FHIT: variants seen among roughly 807,000 people sequenced by gnomAD.
The protein encoded by FHIT is bis(5'-adenosyl)-triphosphatase.
In FHIT, 19 loss-of-function variants were observed where a neutral mutation model predicts 17.9. The observed-to-expected ratio is 1.06, with a 90% CI of 0.74 to 1.56. The LOEUF (loss-of-function observed/expected upper bound fraction) is 1.56, where lower values mean the gene tolerates loss of function less well. FHIT is among the 40% of genes most tolerant of loss of function. The pLI is 0.00. For missense variants in FHIT, 248 were observed against 189.2 expected (o/e 1.31, Z -1.82); for synonymous variants, 81 against 69.7 (o/e 1.16, Z -0.81).
chr3:60,885,275 C>T (rs1425259693), intron 3 of FHIT, among the ~76,000 whole-genome samples: 1 of 151,912 alleles, frequency 6.6e-6, no homozygotes, highest in African/African-American at 2.4e-5. Flanking sequence ...GATCATTGCA[C>T]GTTGTATGCA....
intron 5 of FHIT, among the ~76,000 whole-genome samples, chr3:60,017,984 A>G (rs212024): frequency 1 from 151,671 of 152,310 alleles, 75,520 homozygotes; most frequent in Middle Eastern, 1. Flanking sequence ...TTGAGTGTCT[A>G]TCTTACTTTG....
At chr3:59,820,492 G>A (rs1700749940) in intron 8 of FHIT, among the ~76,000 whole-genome samples, 2 of 152,204 alleles carry the variant, frequency 1.3e-5, no homozygotes, top group Non-Finnish European at 1.5e-5. Flanking sequence ...AATGTCTCAC[G>A]ATTTAGAACA....
Position 59,887,693 on chromosome 3 carries a change from T to C in FHIT, c.348+34653A>G, listed in dbSNP as rs569257311. ...GCCAGCATCAGCTGAGAGAAGCAGT[T>C]GCATCCAGCAGCACATCCTACACTT... On this transcript the variant is annotated intron_variant, in intron 8 of 9. Transcript: ENST00000492590. Among the ~76,000 whole-genome samples, 4 of 152,318 alleles carry C rather than the reference T, an allele frequency of 2.6e-5. No homozygotes were observed. The South Asian group carries it at 8.3e-4, about 32-fold the overall frequency.
intron 4 of FHIT, among the ~76,000 whole-genome samples, chr3:60,557,428 A>C (rs369951216): frequency 6.6e-6 from 1 of 152,138 alleles, no homozygotes; most frequent in African/African-American, 2.4e-5. Context: ...ACATGATGTC[A>C]AGAAAGGAAT....
chr3:60,033,951 A>C (rs1701105836), intron 5 of FHIT, among the ~76,000 whole-genome samples: 1 of 152,250 alleles, frequency 6.6e-6, no homozygotes, highest in Admixed American at 6.5e-5. Flanking sequence ...GCTTCATCTA[A>C]GAACAGGCTC....
At chr3:60,413,109 A>G (rs1702122222) in intron 5 of FHIT, among the ~76,000 whole-genome samples, 1 of 152,176 alleles carries the variant, frequency 6.6e-6, no homozygotes, top group African/African-American at 2.4e-5. Context: ...ACTCTCAGAC[A>G]TGTTGTTGAT....
At chr3:60,932,160 C>T (rs886518518) in intron 3 of FHIT, among the ~76,000 whole-genome samples, 3 of 152,152 alleles carry the variant, frequency 2.0e-5, no homozygotes, top group East Asian at 3.8e-4. Context: ...AATAAAAAAC[C>T]ATTGTGCTAA....
intron 5 of FHIT, among the ~76,000 whole-genome samples, chr3:60,487,158 G>A (rs1286228132): frequency 6.6e-6 from 1 of 152,182 alleles, no homozygotes; most frequent in Non-Finnish European, 1.5e-5. Context: ...AACCTGGCTA[G>A]TAAGGGACTG....
intron 3 of FHIT, among the ~76,000 whole-genome samples, chr3:60,925,040 C>T (rs1293322484): frequency 2.0e-5 from 3 of 152,166 alleles, no homozygotes; most frequent in Non-Finnish European, 2.9e-5. Context: ...ACAAAGCCTA[C>T]AAGAAATATG....
chr3:60,648,987 G>C (rs552641100), intron 4 of FHIT, among the ~76,000 whole-genome samples: 1 of 152,172 alleles, frequency 6.6e-6, no homozygotes, highest in African/African-American at 2.4e-5. Flanking sequence ...GTTTATGTAA[G>C]TATATATACC....
intron 5 of FHIT, among the ~76,000 whole-genome samples, chr3:60,522,597 T>C (rs1306322793): frequency 6.6e-6 from 1 of 152,152 alleles, no homozygotes; most frequent in African/African-American, 2.4e-5. Flanking sequence ...GCAGGAGTAG[T>C]AGAGATGTTG....
intron 4 of FHIT, among the ~76,000 whole-genome samples, chr3:60,745,550 A>G (rs2042339186): frequency 6.6e-6 from 1 of 152,172 alleles, no homozygotes; most frequent in Non-Finnish European, 1.5e-5. Flanking sequence ...TTGAAAAAAT[A>G]TAGATTAGAG....
intron 4 of FHIT, among the ~76,000 whole-genome samples, chr3:60,601,723 G>T (rs1326319529): frequency 1.3e-5 from 2 of 152,116 alleles, no homozygotes; most frequent in African/African-American, 4.8e-5. Context: ...AACTCAGCTG[G>T]AAGAAAATGT....
chr3:60,207,876 C>T (rs1238291113), intron 5 of FHIT, among the ~76,000 whole-genome samples: 1 of 152,088 alleles, frequency 6.6e-6, no homozygotes, highest in East Asian at 1.9e-4. Context: ...ATCATTTCTG[C>T]AGATAAATTT....
chr3:60,195,332 T>C (rs1016736272), intron 5 of FHIT, among the ~76,000 whole-genome samples: 2 of 151,798 alleles, frequency 1.3e-5, no homozygotes, highest in Non-Finnish European at 2.9e-5. Flanking sequence ...GTACAACCTT[T>C]ATGGAAAATA....
At chr3:60,937,594 C>A (rs1189029104) in intron 3 of FHIT, among the ~76,000 whole-genome samples, 1 of 126,344 alleles carries the variant, frequency 7.9e-6, no homozygotes, top group Non-Finnish European at 1.6e-5. Context: ...GATGGAGTCT[C>A]ACTCTGTCAC....
At chr3:61,242,691 T>G (rs1237836680) in intron 1 of FHIT, among the ~76,000 whole-genome samples, 3 of 152,164 alleles carry the variant, frequency 2.0e-5, no homozygotes, top group Non-Finnish European at 4.4e-5. Context: ...ACTGGGATTT[T>G]TTAAGGATAA....
intron 3 of FHIT, among the ~76,000 whole-genome samples, chr3:60,981,229 AG>A (rs1710476176): frequency 6.6e-6 from 1 of 151,546 alleles, no homozygotes; most frequent in Non-Finnish European, 1.5e-5. Flanking sequence ...TAAAAGTGAA[AG>A]TTTGCTAAGG....
At chr3:60,913,393 C>G (rs186764407) in intron 3 of FHIT, among the ~76,000 whole-genome samples, 49 of 152,340 alleles carry the variant, frequency 3.2e-4, no homozygotes, top group South Asian at 6.2e-4. Context: ...AACCACAGAA[C>G]AGAACATCAG....
Sources: gnomAD v4.1 joint callset for allele counts (sites outside exome capture counted in the v4.1 genomes callset) on GRCh38, gnomAD v4.1.1 for gene constraint, MANE v1.5 for transcripts, NCBI Gene and HGNC (gene_info 2026-07-23, HGNC 2026-07-21) for gene names.